RNF19B: variants seen among roughly 807,000 people sequenced by gnomAD.
RNF19B encodes the protein ring finger protein 19B.
Under a neutral mutation model 65.5 loss-of-function variants are expected in RNF19B, and 23 were observed. The observed-to-expected ratio is 0.35, with a 90% CI of 0.25 to 0.50. The LOEUF (loss-of-function observed/expected upper bound fraction) is 0.50. Ranked by LOEUF, RNF19B falls within the 20% of genes least tolerant of loss-of-function variation. RNF19B has a pLI of 0.98. For missense variants in RNF19B, 794 were observed against 980.0 expected, an observed-to-expected ratio of 0.81 and a Z score of 2.53; for synonymous variants, 372 against 379.6, an observed-to-expected ratio of 0.98 and a Z score of 0.23.
chr1:32,948,892 T>C (rs1025488980), intron 2 of RNF19B, among the ~76,000 whole-genome samples: 1 of 152,232 alleles, frequency 6.6e-6, no homozygotes, highest in Non-Finnish European at 1.5e-5. Context: ...CTATCTACCA[T>C]ATACTTGGTA....
chr1:32,964,568 A>G lies in RNF19B; in HGVS notation c.118T>C (p.Ser40Pro). Reference protein sequence around the residue: ...RRRLTLHSVFSASARGRRARA... With the variant: ...RRRLTLHSVFPASARGRRARA... ...GCGCGGCGGCCGCGGGCCGAGGCAGAGAAGACGCTGTGCAAGGTGAGGCGC... is the reference window on the plus strand; with the variant it reads ...GCGCGGCGGCCGCGGGCCGAGGCAGGGAAGACGCTGTGCAAGGTGAGGCGC... Residue 40 changes from serine to proline, a missense_variant, in exon 1 of 9, where the codon TCT (serine) becomes CCT (proline). By Grantham distance (74) the Ser-to-Pro change is moderately conservative. Transcript: ENST00000235150. This position sits in a 1 kb window ranked among gnomAD's most constrained non-coding sequence, Gnocchi z 6.5. 3 of 1,398,528 alleles carry G rather than the reference A, an allele frequency of 2.1e-6. No homozygotes were observed. Among genetic ancestry groups the G allele is most frequent in the Non-Finnish European group, 2.8e-6 (3 of 1,073,520 alleles). The allele number at this position is 1,398,528 out of a possible 1,614,324, so 86.6% of individuals were successfully genotyped here.
chr1:32,950,782 C>A (rs1313225398), intron 1 of RNF19B, among the ~76,000 whole-genome samples: 1 of 151,866 alleles, frequency 6.6e-6, no homozygotes, highest in African/African-American at 2.4e-5. Flanking sequence ...ATCAATCAGC[C>A]TGCCTCAGCC....
chr1:32,948,716 G>GA (rs1432079384), intron 2 of RNF19B, among the ~76,000 whole-genome samples: 1 of 152,126 alleles, frequency 6.6e-6, no homozygotes, highest in Non-Finnish European at 1.5e-5. Flanking sequence ...GAATCCTACA[G>GA]AAAGAATAGC....
intron 7 of RNF19B, among the ~76,000 whole-genome samples, chr1:32,941,996 C>T (rs1368081571): frequency 1.3e-5 from 2 of 152,084 alleles, no homozygotes; most frequent in Non-Finnish European, 2.9e-5. Flanking sequence ...ACTCAGTAGG[C>T]TGAGGCAGGA....
At chr1:32,937,368 A>G (rs1642131977) in intron 8 of RNF19B, 109 bp from the exon 9 acceptor site, 1 of 1,500,486 alleles carries the variant, frequency 6.7e-7, no homozygotes. Flanking sequence ...ATAGGTGAAC[A>G]GTTAACTAGA....
At position 32,949,593 on chromosome 1, in the gene RNF19B, T is replaced by C. The variant is rs747090109; in HGVS notation, c.817A>G (p.Ser273Gly). Residue 273 changes from serine to glycine, a missense_variant, in exon 2 of 9, where the codon AGT becomes GGT. By Grantham distance (56) the Ser-to-Gly change is moderately conservative. Transcript: ENST00000235150. ...RVRTKHTSGL[S>G]YGQESGPDDI... The stretch of plus-strand genomic sequence containing the variant: ...CCTGGTCCAGATTCTTGCCCATAAC[T>C]GAGACCTGAAGTGTGTTTGGTCCGA... 4.8e-5 allele frequency: 77 copies of C among 1,614,020 alleles called. No individual in the cohort carries two copies. Among genetic ancestry groups the C allele is most frequent in the Non-Finnish European group, 6.2e-5 (73 of 1,179,986 alleles).
chr1:32,952,296 T>C (rs924538202), intron 1 of RNF19B, among the ~76,000 whole-genome samples: 1 of 151,942 alleles, frequency 6.6e-6, no homozygotes, highest in African/African-American at 2.4e-5. Flanking sequence ...ATAATACTTG[T>C]ATAAAATAAC....
chr1:32,933,558 C>G (rs1341500499), downstream of RNF19B, among the ~76,000 whole-genome samples: 1 of 152,034 alleles, frequency 6.6e-6, no homozygotes, highest in Non-Finnish European at 1.5e-5. Context: ...CCCGGCCAAG[C>G]TATTGTAACT....
At chr1:32,960,205 A>C (rs1209584686) in intron 1 of RNF19B, among the ~76,000 whole-genome samples, 1 of 151,826 alleles carries the variant, frequency 6.6e-6, no homozygotes, top group Non-Finnish European at 1.5e-5. Flanking sequence ...TGAATCTCTG[A>C]ATGTATGGTG....
At chr1:32,950,099 A>G (rs974061022) in intron 1 of RNF19B, among the ~76,000 whole-genome samples, 19 of 152,112 alleles carry the variant, frequency 1.2e-4, no homozygotes, top group African/African-American at 4.6e-4. Flanking sequence ...ACTCCCTAGT[A>G]GCTGGGATTA....
chr1:32,946,275 T>G, intron 4 of RNF19B, 127 bp downstream of exon 4: 1 of 714,686 alleles, frequency 1.4e-6, no homozygotes, highest in South Asian at 1.9e-5. Context: ...GAAAGTAAGG[T>G]TATTTTTATC....
intron 1 of RNF19B, among the ~76,000 whole-genome samples, chr1:32,950,830 CTACCT>C (rs1642477556): frequency 6.7e-6 from 1 of 150,314 alleles, no homozygotes; most frequent in Non-Finnish European, 1.5e-5. Context: ...AGCCACCATG[CTACCT>C]TTTCATTCTT....
intron 2 of RNF19B, 128 bp from the exon 3 acceptor site, chr1:32,948,491 A>G: frequency 1.1e-6 from 1 of 925,038 alleles, no homozygotes; most frequent in Non-Finnish European, 1.6e-6. Flanking sequence ...AACACTCCAA[A>G]TTGTACAACC....
chr1:32,936,113 A>G (rs1434512921), downstream of RNF19B, among the ~76,000 whole-genome samples: 1 of 152,204 alleles, frequency 6.6e-6, no homozygotes, highest in East Asian at 1.9e-4. Context: ...GCATATGACT[A>G]CTAGTGACTA....
At position 32,964,346 on chromosome 1, in the gene RNF19B, C is replaced by T; in HGVS notation, c.340G>A (p.Ala114Thr). 3 of 1,435,012 alleles carry T rather than the reference C, an allele frequency of 2.1e-6. No homozygotes were observed. Among genetic ancestry groups the T allele is most frequent in the Non-Finnish European group, 2.7e-6 (3 of 1,097,986 alleles). 88.9% of individuals were successfully genotyped at this position (1,435,012 alleles called of 1,614,324 possible). The change falls in exon 1 of 9, where the codon GCG (alanine) becomes ACG (threonine). Residue 114 changes from alanine to threonine, a missense_variant. Transcript: ENST00000235150. This position sits in a 1 kb window ranked among gnomAD's most constrained non-coding sequence, Gnocchi z 6.5. ...CACAGCGGACACTCCACCTCCTCCG[C>T]GCCCGGGCCACCGCCCTCCGCCGCC... is the stretch of plus-strand genomic sequence containing the variant. ...EEAAEGGGPG[A>T]EEVECPLCLV... is the part of the protein sequence containing the mutation.
chr1:32,946,340 T>C, intron 4 of RNF19B, 62 bp downstream of exon 4: 1 of 1,490,876 alleles, frequency 6.7e-7, no homozygotes, highest in Non-Finnish European at 9.2e-7. Context: ...CCCATTTCCC[T>C]CAAACCTTTA....
chr1:32,936,728 C>T lies in RNF19B; in HGVS notation c.*78G>A. 2 of 1,301,088 alleles carry T rather than the reference C, an allele frequency of 1.5e-6. No individual in the cohort carries two copies. The highest frequency in any genetic ancestry group is 2.1e-6 in the Non-Finnish European group (2 of 965,922). The allele number at this position is 1,301,088 out of a possible 1,614,324, so 80.6% of individuals were successfully genotyped here. A position where few individuals can be genotyped will look rare whatever the true frequency, so the allele number is the denominator to read the frequency against. On this transcript the variant is annotated 3_prime_UTR_variant, in exon 9 of 9. Transcript: ENST00000235150. ...GAAATAAAATACATAAATCTCTACCCCTTGGAAAAAAAAAAAAAAAAATTC... is the reference window on the plus strand; with the variant it reads ...GAAATAAAATACATAAATCTCTACCTCTTGGAAAAAAAAAAAAAAAAATTC...
rs111562504 is a variant in RNF19B at position 32,964,019 on chromosome 1, C to T, written c.635+32G>A. 2.8e-6 allele frequency: 4 copies of T among 1,410,108 alleles called. No individual in the cohort carries two copies. The highest frequency in any genetic ancestry group is 2.8e-6 in the Non-Finnish European group (3 of 1,087,768). The allele number at this position is 1,410,108 out of a possible 1,614,324, so 87.3% of individuals were successfully genotyped here. A position where few individuals can be genotyped will look rare whatever the true frequency, so the allele number is the denominator to read the frequency against. ...CCAGCCACGCCCCTCGGCTGCAGCCCGCCGCCACCCGCGCCACGCCCCCGC... is the reference window on the plus strand; with the variant it reads ...CCAGCCACGCCCCTCGGCTGCAGCCTGCCGCCACCCGCGCCACGCCCCCGC... On this transcript the variant is annotated intron_variant, in intron 1 of 8. Transcript: ENST00000235150. The surrounding 1 kb of genome is among the most constrained non-coding windows in gnomAD (Gnocchi z 6.5).
intron 1 of RNF19B, among the ~76,000 whole-genome samples, chr1:32,958,987 G>A (rs539487901): frequency 6.6e-6 from 1 of 152,268 alleles, no homozygotes; most frequent in East Asian, 1.9e-4. Context: ...TGTGGAACAG[G>A]AGGTATGGAG....
Sources: gnomAD v4.1 joint callset for allele counts (sites outside exome capture counted in the v4.1 genomes callset) on GRCh38, gnomAD v4.1.1 for gene constraint, Gnocchi (gnomAD v3.1) non-coding constraint, MANE v1.5 for transcripts, NCBI Gene and HGNC (gene_info 2026-07-23, HGNC 2026-07-21) for gene names.